FCER2: variants seen among roughly 807,000 people sequenced by gnomAD.
FCER2 encodes the protein Fc epsilon receptor II.
A neutral mutation model predicts 49.7 loss-of-function variants in FCER2; 38 were observed. The observed-to-expected ratio is 0.76, with a 90% CI of 0.59 to 1.00. The LOEUF is 1.00. Among genes scored for constraint, FCER2 ranks in the 50% least tolerant of loss-of-function variants. The probability of loss-of-function intolerance (pLI) is 0.00; values close to 1 mark genes in which losing one functional copy is unlikely to be tolerated. For missense variants in FCER2, 425 were observed against 419.5 expected, an observed-to-expected ratio of 1.01 and a Z score of -0.11; for synonymous variants, 163 against 164.6, an observed-to-expected ratio of 0.99 and a Z score of 0.07.
intron 6 of FCER2, 35 bp downstream of exon 6, chr19:7,697,201 A>T (rs1236698949): frequency 1.9e-6 from 3 of 1,612,222 alleles, no homozygotes; most frequent in African/African-American, 1.3e-5. Flanking sequence ...CTTCCCACCC[A>T]ATCTGGCTTC....
rs988959509 is a variant in FCER2, at chr19:7,698,687, C to T, written c.136+54G>A. 32 of 1,588,248 alleles carry T rather than the reference C, an allele frequency of 2.0e-5. No homozygotes were observed. The African/African-American group carries it at 2.7e-4, about 13-fold the overall frequency. On this transcript the variant is annotated intron_variant, in intron 3 of 10. Transcript: ENST00000597921. ...TCTGAGATGGGGGTGAAGGAGGGAACACAGAAGGGCCCCATGAGTTGGGGG... is the reference window on the plus strand; with the variant it reads ...TCTGAGATGGGGGTGAAGGAGGGAATACAGAAGGGCCCCATGAGTTGGGGG...
intron 1 of FCER2, 32 bp from the exon 2 acceptor site, chr19:7,699,877 G>GGCTCACCCTAA: frequency 1.0e-6 from 1 of 992,756 alleles, no homozygotes; most frequent in Non-Finnish European, 1.6e-6. Context: ...GTTAGGGTGA[G>GGCTCACCCTAA]CCATCAAATC....
rs2032777909 is a variant in FCER2, at chr19:7,688,987, GGT to G, written c.*204_*205del. 1.7e-6 allele frequency: 1 copy of G among 588,878 alleles called. No homozygotes were observed. Among genetic ancestry groups the G allele is most frequent in the African/African-American group, 1.9e-5 (1 of 53,668 alleles). The allele number at this position is 588,878 out of a possible 1,614,324, so 36.5% of individuals were successfully genotyped here. A position where few individuals can be genotyped will look rare whatever the true frequency, so the allele number is the denominator to read the frequency against. On this transcript the variant is annotated 3_prime_UTR_variant, in exon 11 of 11. Transcript: ENST00000597921. Reference sequence around the variant, plus strand: ...TTGGGGTGTACTCTCATCTGGAGAGGGTGCTGTTGGGGGCACTCCCATCTGGA... The same window carrying G: ...TTGGGGTGTACTCTCATCTGGAGAGGGCTGTTGGGGGCACTCCCATCTGGA...
chr19:7,701,003 T>G (rs534485064), intron 1 of FCER2, among the ~76,000 whole-genome samples: 91 of 151,632 alleles, frequency 6.0e-4, no homozygotes, highest in Non-Finnish European at 1.1e-3. Flanking sequence ...AGAGACAGGG[T>G]TTCACCATAT....
chr19:7,699,268 G>A, intron 2 of FCER2: 1 of 610,202 alleles, frequency 1.6e-6, no homozygotes, highest in Non-Finnish European at 2.7e-6. Context: ...CCACTCCCCA[G>A]CCACTTTCCC....
At chr19:7,699,212 C>G (rs980632339) in intron 2 of FCER2, among the ~76,000 whole-genome samples, 5 of 151,958 alleles carry the variant, frequency 3.3e-5, no homozygotes, top group African/African-American at 1.2e-4. Flanking sequence ...GGAGTCCCTT[C>G]CCTAAACCCA....
At chr19:7,696,702 T>G in intron 8 of FCER2, 123 bp downstream of exon 8, 1 of 704,922 alleles carries the variant, frequency 1.4e-6, no homozygotes, top group South Asian at 1.8e-5. Context: ...CCGATGACAC[T>G]CGGGTCACAC....
At chr19:7,694,988 C>T (rs1448926897) in intron 8 of FCER2, among the ~76,000 whole-genome samples, 2 of 152,096 alleles carry the variant, frequency 1.3e-5, no homozygotes, top group Non-Finnish European at 2.9e-5. Flanking sequence ...GTACACATCA[C>T]CACATCTGGC....
chr19:7,701,590 G>A (rs1451834081), intron 1 of FCER2, among the ~76,000 whole-genome samples: 3 of 152,058 alleles, frequency 2.0e-5, no homozygotes, highest in African/African-American at 7.2e-5. Context: ...CTCAAACCCG[G>A]GACCCTTGAG....
chr19:7,689,401 C>T lies in FCER2; in HGVS notation c.758G>A (p.Arg253Gln), dbSNP rs199808473. The T allele has an allele frequency of 4.7e-4, 750 of 1,599,882 alleles. No homozygotes were observed. Among genetic ancestry groups the T allele is most frequent in the Non-Finnish European group, 6.2e-4 (723 of 1,173,108 alleles). The change falls in exon 11 of 11, where the codon CGG becomes CAG. Residue 253 changes from arginine (R) to glutamine (Q), a missense_variant. Physicochemically the swap from Arg to Gln is conservative, Grantham distance 43. Transcript: ENST00000597921. ...CATCACGCAGTCCTCGCCCTGGCTC[C>T]GGCTGGTGGGCTCCCCTGGAGCCCA... Reference protein sequence around the residue: ...SNWAPGEPTSRSQGEDCVMMR... With the variant: ...SNWAPGEPTSQSQGEDCVMMR...
chr19:7,694,322 G>A (rs1555776862), intron 8 of FCER2, among the ~76,000 whole-genome samples: 1 of 152,270 alleles, frequency 6.6e-6, no homozygotes, highest in East Asian at 1.9e-4. Context: ...CCATGATTGT[G>A]CCACTGCACT....
At chr19:7,698,504 G>A in intron 3 of FCER2, 95 bp from the exon 4 acceptor site, 1 of 1,096,022 alleles carries the variant, frequency 9.1e-7, no homozygotes, top group South Asian at 1.4e-5. Context: ...GAGGTCTTGG[G>A]TATAAGCCAT....
chr19:7,699,477 GTT>G (rs55828544), intron 2 of FCER2: 179 of 1,261,064 alleles, frequency 1.4e-4, no homozygotes, highest in African/African-American at 8.4e-4. Context: ...AGCTGAAGCC[GTT>G]TTTTTTTTTT....
chr19:7,691,449 A>ACAGT (rs2032869216), intron 8 of FCER2, among the ~76,000 whole-genome samples: 1 of 151,450 alleles, frequency 6.6e-6, no homozygotes, highest in African/African-American at 2.4e-5. Context: ...TCGACAGCTC[A>ACAGT]TAGAAGTGCC....
intron 2 of FCER2, chr19:7,699,415 T>C: frequency 7.1e-7 from 1 of 1,416,630 alleles, no homozygotes; most frequent in South Asian, 1.2e-5. Flanking sequence ...TTCTGCTTGT[T>C]CCAAGTTCCT....
At chr19:7,694,586 G>A (rs1238940037) in intron 8 of FCER2, among the ~76,000 whole-genome samples, 2 of 152,138 alleles carry the variant, frequency 1.3e-5, no homozygotes, top group Non-Finnish European at 2.9e-5. Flanking sequence ...GTCAGAAGTT[G>A]TCATGGTCCA....
chr19:7,699,652 C>T lies in FCER2; in HGVS notation c.22+87G>A, dbSNP rs545424080. On this transcript the variant is annotated intron_variant, in intron 2 of 10. Transcript: ENST00000597921. ...ATTCACCCTCTTTCCCAGAGAGGGA[C>T]TGGGGAGCCCCGCTTCTCTTCTGGG... 85 of 1,339,930 alleles carry T rather than the reference C, an allele frequency of 6.3e-5. No homozygotes were observed. The South Asian group carries it at 9.3e-4, about 15-fold the overall frequency. The allele number at this position is 1,339,930 out of a possible 1,614,324, so 83.0% of individuals were successfully genotyped here. A position where few individuals can be genotyped will look rare whatever the true frequency, so the allele number is the denominator to read the frequency against.
chr19:7,698,647 T>C, intron 3 of FCER2, 94 bp downstream of exon 3: 4 of 1,526,872 alleles, frequency 2.6e-6, no homozygotes, highest in African/African-American at 1.4e-5. Context: ...AGAGGATGCG[T>C]TGGGCTCCCC....
intron 9 of FCER2, 33 bp from the exon 10 acceptor site, chr19:7,690,298 A>C: frequency 6.2e-7 from 1 of 1,608,006 alleles, no homozygotes; most frequent in Non-Finnish European, 8.5e-7. Context: ...AGGACTGGAG[A>C]CATGTGCCCG....
Sources: gnomAD v4.1 joint callset for allele counts (sites outside exome capture counted in the v4.1 genomes callset) on GRCh38, gnomAD v4.1.1 for gene constraint, MANE v1.5 for transcripts, NCBI Gene and HGNC (gene_info 2026-07-23, HGNC 2026-07-21) for gene names.